C1orf94: variants seen among roughly 807,000 people sequenced by gnomAD.
C1orf94 encodes the protein uncharacterized protein C1orf94.
Under a neutral mutation model 53.6 loss-of-function variants are expected in C1orf94, and 45 were observed. The ratio of observed to expected loss-of-function variants is 0.84; its 90% CI spans 0.66 to 1.08. The LOEUF is 1.08. Ranked by LOEUF, C1orf94 falls within the 50% of genes least tolerant of loss-of-function variation. C1orf94 has a pLI of 0.00. For missense variants in C1orf94, 762 were observed against 738.9 expected (o/e 1.03, Z -0.36); for synonymous variants, 304 against 296.1 (o/e 1.03, Z -0.27).
At chr1:34,200,552 AGATGGATG>A (rs1223057413) in intron 2 of C1orf94, among the ~76,000 whole-genome samples, 1 of 152,122 alleles carries the variant, frequency 6.6e-6, no homozygotes, top group Admixed American at 6.5e-5. Context: ...ATGAATGAAC[AGATGGATG>A]GATTGATGGA....
chr1:34,172,611 A>G (rs538733433), upstream of C1orf94, among the ~76,000 whole-genome samples: 1 of 152,336 alleles, frequency 6.6e-6, no homozygotes, highest in African/African-American at 2.4e-5. Context: ...GCCTCCTCTC[A>G]TGTGGGCAAG....
chr1:34,168,978 T>C (rs1461526929), intron 1 of C1orf94, among the ~76,000 whole-genome samples: 1 of 152,172 alleles, frequency 6.6e-6, no homozygotes, highest in African/African-American at 2.4e-5. Flanking sequence ...TCAGAAAATA[T>C]ATGTAAAGAG....
At chr1:34,213,854 A>T (rs192996315) in intron 6 of C1orf94, among the ~76,000 whole-genome samples, 37 of 151,542 alleles carry the variant, frequency 2.4e-4, no homozygotes, top group Admixed American at 9.2e-4. Flanking sequence ...ACATCCTTTT[A>T]AAAAAAATAT....
chr1:34,183,588 C>A (rs1338388996), intron 1 of C1orf94, among the ~76,000 whole-genome samples: 4 of 152,168 alleles, frequency 2.6e-5, no homozygotes, highest in African/African-American at 9.7e-5. Flanking sequence ...GGTGCGGTGG[C>A]TTATGCCTAT....
chr1:34,217,094 A>G (rs1271545682), intron 6 of C1orf94, among the ~76,000 whole-genome samples: 3 of 152,210 alleles, frequency 2.0e-5, no homozygotes, highest in South Asian at 4.1e-4. Flanking sequence ...AAATGAAACT[A>G]TAAAATAATT....
rs1289522244 is a variant in C1orf94, at chr1:34,197,808, G to A, written c.904G>A (p.Asp302Asn). 6.2e-7 allele frequency: 1 copy of A among 1,614,214 alleles called. No homozygotes were observed. Among genetic ancestry groups the A allele is most frequent in the Non-Finnish European group, 8.5e-7 (1 of 1,180,044 alleles). ...LPPRPPPARPDKLPELPAQKR... is the reference protein window; with the variant it reads ...LPPRPPPARPNKLPELPAQKR... ...TCCCCGACCTCCTCCTGCACGTCCT[G>A]ACAAGCTCCCTGAGCTCCCTGCTCA... Residue 302 changes from aspartate (D) to asparagine (N), a missense_variant, in exon 2 of 7, where the codon GAC becomes AAC. Asp to Asn is a conservative substitution (Grantham distance 23, BLOSUM62 1). Coordinates refer to ENST00000488417, the MANE Select transcript of C1orf94 (RefSeq NM_001134734.2). The surrounding 1 kb of genome is among the most constrained non-coding windows in gnomAD (Gnocchi z 4.1).
rs151310995 is a variant in C1orf94 at position 34,209,616 on chromosome 1, C to T, written c.1524+1382C>T. Among the ~76,000 whole-genome samples the T allele has an allele frequency of 5.3e-5, 8 of 152,276 alleles. No homozygotes were observed. The East Asian group carries it at 5.8e-4, about 11-fold the overall frequency. On this transcript the variant is annotated intron_variant, in intron 5 of 6. Transcript: ENST00000488417. ...AGGGAGCCCCACCCTCCGTGCAAAC[C>T]GCACCTCTGACCTGAAATGTGTTAG...
intron 1 of C1orf94, among the ~76,000 whole-genome samples, chr1:34,178,831 G>A (rs1372536969): frequency 6.6e-6 from 1 of 152,232 alleles, no homozygotes. Flanking sequence ...TAAATCTGCT[G>A]TGGTTATTAA....
rs1643041500 is a variant in C1orf94, at chr1:34,219,078, A to G, written c.*317A>G. 3 of 193,904 alleles carry G rather than the reference A, an allele frequency of 1.5e-5. No homozygotes were observed. In the South Asian group the frequency reaches 5.6e-4, roughly 36 times the overall value. 12.0% of individuals were successfully genotyped at this position (193,904 alleles called of 1,614,324 possible). ...TTTTTGTTGGTAAAATAGAAGTAAG[A>G]CACTTAATTTTAGAAAGTTTGTATT... On this transcript the variant is annotated 3_prime_UTR_variant, in exon 7 of 7. Transcript: ENST00000488417.
At chr1:34,194,425 C>T (rs567245972) in intron 1 of C1orf94, among the ~76,000 whole-genome samples, 48 of 152,238 alleles carry the variant, frequency 3.2e-4, no homozygotes, top group African/African-American at 1.0e-3. Context: ...CTCCCAGGTG[C>T]TGAGAAGGGA....
At chr1:34,194,899 G>A (rs920408734) in intron 1 of C1orf94, among the ~76,000 whole-genome samples, 1 of 152,196 alleles carries the variant, frequency 6.6e-6, no homozygotes, top group Non-Finnish European at 1.5e-5. Context: ...TCTGACTCCT[G>A]TGACTTGAGA....
intron 3 of C1orf94, among the ~76,000 whole-genome samples, chr1:34,201,271 C>T: frequency 6.6e-6 from 1 of 152,190 alleles, no homozygotes; most frequent in East Asian, 1.9e-4. Context: ...ATGGTCACTT[C>T]TGAATATAGC....
At chr1:34,187,533 C>A (rs748092766) in intron 1 of C1orf94, among the ~76,000 whole-genome samples, 167 of 152,094 alleles carry the variant, frequency 1.1e-3, no homozygotes, top group Non-Finnish European at 1.6e-3. Flanking sequence ...GGTTTAATCC[C>A]CTTTTTAATA....
chr1:34,201,522 C>T (rs1642707018), intron 3 of C1orf94, among the ~76,000 whole-genome samples: 1 of 152,226 alleles, frequency 6.6e-6, no homozygotes, highest in African/African-American at 2.4e-5. Flanking sequence ...TGAAACAACT[C>T]AACCTAACTT....
rs1409053045 is a variant in C1orf94, at chr1:34,212,316, A to G, written c.1631A>G (p.Gln544Arg). Residue 544 changes from glutamine (Q) to arginine (R), a missense_variant, in exon 6 of 7, where the codon CAG (glutamine) becomes CGG (arginine). Physicochemically the swap from Gln to Arg is conservative, Grantham distance 43. Transcript: ENST00000488417. ...GTCCAGCCCAATTATCCCTACCCTCAGAGGACACCTCCAAAGATGTCTGCC... is the reference window on the plus strand; with the variant it reads ...GTCCAGCCCAATTATCCCTACCCTCGGAGGACACCTCCAAAGATGTCTGCC... ...PFVQPNYPYPQRTPPKMSANP... is the reference protein window; with the variant it reads ...PFVQPNYPYPRRTPPKMSANP... 1 of 1,613,952 alleles carries G rather than the reference A, an allele frequency of 6.2e-7. No individual in the cohort carries two copies. Among genetic ancestry groups the G allele is most frequent in the Non-Finnish European group, 8.5e-7 (1 of 1,180,000 alleles).
In C1orf94 at chr1:34,197,774, G is replaced by C. The variant is rs778648381; in HGVS notation, c.870G>C (p.Leu290=). The change falls in exon 2 of 7, where the codon CTG becomes CTC. Residue 290 remains leucine, a synonymous_variant. Coordinates refer to ENST00000488417, the MANE Select transcript of C1orf94 (RefSeq NM_001134734.2). The surrounding 1 kb of genome is among the most constrained non-coding windows in gnomAD (Gnocchi z 4.1). ...PKEPTGLSPF[L]LLPPRPPPAR... is the part of the protein sequence containing the mutation. ...AGCCCACAGGGCTGAGCCCATTTCT[G>C]CTGCTGCCTCCCCGACCTCCTCCTG... 2 of 1,614,092 alleles carry C rather than the reference G, an allele frequency of 1.2e-6. No homozygotes were observed. The highest frequency in any genetic ancestry group is 3.3e-5 in the Admixed American group (2 of 60,010).
intron 4 of C1orf94, among the ~76,000 whole-genome samples, chr1:34,204,335 G>A (rs181706069): frequency 1.3e-3 from 205 of 152,262 alleles, no homozygotes; most frequent in Admixed American, 3.0e-3. Context: ...TTTTGTTTGT[G>A]TGTGTGTTTG....
chr1:34,172,166 T>TG (rs1642154395), upstream of C1orf94, among the ~76,000 whole-genome samples: 1 of 152,228 alleles, frequency 6.6e-6, no homozygotes, highest in Non-Finnish European at 1.5e-5. Context: ...CTATCACTAC[T>TG]GGGGTCTGGC....
chr1:34,185,371 G>A (rs1378908962), intron 1 of C1orf94, among the ~76,000 whole-genome samples: 1 of 151,978 alleles, frequency 6.6e-6, no homozygotes, highest in Admixed American at 6.6e-5. Context: ...GTAGAGACAG[G>A]GTTTCACCAT....
Sources: allele counts gnomAD v4.1 joint callset (sites outside exome capture counted in the v4.1 genomes callset), GRCh38; gene constraint gnomAD v4.1.1; non-coding constraint Gnocchi (gnomAD v3.1); transcripts MANE v1.5; gene names NCBI Gene and HGNC (gene_info 2026-07-23, HGNC 2026-07-21).